The following MGAT4C variants were observed in gnomAD, a reference collection of about 807,000 sequenced individuals.
MGAT4C encodes the protein MGAT4 family member C, also known as alpha-1,3-mannosyl-glycoprotein 4-beta-N-acetylglucosaminyltransferase C.
In MGAT4C, 19 loss-of-function variants were observed where a neutral mutation model predicts 40.1. The observed-to-expected ratio is 0.47, with a 90% CI of 0.33 to 0.70. The LOEUF is 0.70. Among genes scored for constraint, MGAT4C ranks in the 30% least tolerant of loss-of-function variants. The pLI, the probability that MGAT4C is intolerant of heterozygous loss-of-function variation, is 0.02. For missense variants in MGAT4C, 491 were observed against 563.2 expected (o/e 0.87, Z 1.30); for synonymous variants, 181 against 187.1 (o/e 0.97, Z 0.27).
In MGAT4C at chr12:86,014,842, T is replaced by G. The variant is rs369280438; in HGVS notation, c.-6-25290A>C. ...AACAATTTATTATTATTATTATTTT[T>G]TATTTTGAGACGGGATCTCTTGCTG... On this transcript the variant is annotated intron_variant, in intron 2 of 4. Coordinates refer to ENST00000611864, the MANE Select transcript of MGAT4C (RefSeq NM_001351288.2). Among the ~76,000 whole-genome samples the G allele has an allele frequency of 5.9e-5, 9 of 151,986 alleles. 1 individual carries two copies. In the East Asian group the frequency reaches 7.7e-4, roughly 13 times the overall value.
At chr12:86,062,061 C>A (rs1314504119) in intron 1 of MGAT4C, among the ~76,000 whole-genome samples, 1 of 152,126 alleles carries the variant, frequency 6.6e-6, no homozygotes, top group Non-Finnish European at 1.5e-5. Flanking sequence ...GCTCCCTGAC[C>A]CCCACGTATC....
chr12:86,056,312 G>A (rs1420207934), intron 1 of MGAT4C, among the ~76,000 whole-genome samples: 4 of 152,118 alleles, frequency 2.6e-5, no homozygotes, highest in Non-Finnish European at 5.9e-5. Flanking sequence ...GTATACATGT[G>A]CCATGTTGGT....
intron 2 of MGAT4C, among the ~76,000 whole-genome samples, chr12:86,507,607 G>C (rs1958493049): frequency 6.6e-6 from 1 of 152,130 alleles, no homozygotes; most frequent in South Asian, 2.1e-4. Context: ...CCCTCATGTG[G>C]AGCCAAGCCC....
chr12:86,794,287 T>C (rs147524546), intron 1 of MGAT4C, among the ~76,000 whole-genome samples: 5 of 151,740 alleles, frequency 3.3e-5, no homozygotes, highest in Admixed American at 3.3e-4. Flanking sequence ...TGTTTAATAA[T>C]CTTGCTCAAA....
intron 2 of MGAT4C, among the ~76,000 whole-genome samples, chr12:85,996,234 T>C (rs1257616655): frequency 6.6e-6 from 1 of 152,136 alleles, no homozygotes; most frequent in East Asian, 1.9e-4. Context: ...ATATGTCCCA[T>C]AGGCTCAAAA....
rs1489433519 is a variant in MGAT4C, at chr12:86,642,412, C to A, written c.-229+84797G>T. Among the ~76,000 whole-genome samples the A allele has an allele frequency of 4.0e-5, 6 of 151,724 alleles. No homozygotes were observed. The East Asian group carries it at 1.2e-3, about 29-fold the overall frequency. ...AAGTTATGAACAAGTTAGGAGAATTCATAATCCATCAATATTGAAATATTT... is the reference window on the plus strand; with the variant it reads ...AAGTTATGAACAAGTTAGGAGAATTAATAATCCATCAATATTGAAATATTT... On this transcript the variant is annotated intron_variant, in intron 2 of 7. Coordinates refer to the MGAT4C transcript ENST00000548651.
chr12:86,020,854 T>TATCCAGA (rs1318297601), intron 2 of MGAT4C, among the ~76,000 whole-genome samples: 1 of 152,128 alleles, frequency 6.6e-6, no homozygotes, highest in Non-Finnish European at 1.5e-5. Flanking sequence ...AAGGGGCTAA[T>TATCCAGA]ATCCAGAATC....
chr12:86,580,344 G>A (rs1960730803), intron 2 of MGAT4C, among the ~76,000 whole-genome samples: 1 of 151,256 alleles, frequency 6.6e-6, no homozygotes. Context: ...TCTCTAGATT[G>A]CTAGCTTGAC....
intron 3 of MGAT4C, among the ~76,000 whole-genome samples, chr12:86,411,941 GC>G (rs1565743128): frequency 6.6e-6 from 1 of 151,856 alleles, no homozygotes. Flanking sequence ...GCTAACAGGG[GC>G]CCCAAAATTT....
At chr12:86,477,144 C>A (rs1957848747) in intron 2 of MGAT4C, among the ~76,000 whole-genome samples, 1 of 150,688 alleles carries the variant, frequency 6.6e-6, no homozygotes, top group African/African-American at 2.4e-5. Flanking sequence ...ATTTTCAGAT[C>A]ATTTATTGGT....
intron 2 of MGAT4C, among the ~76,000 whole-genome samples, chr12:86,569,769 C>G (rs7134480): frequency 0.84 from 127,759 of 151,936 alleles, 54,227 homozygotes; most frequent in East Asian, 0.96. Flanking sequence ...TTATAATATC[C>G]AAAATAGAAA....
chr12:86,452,497 T>G (rs1173569011), intron 2 of MGAT4C, among the ~76,000 whole-genome samples: 1 of 151,940 alleles, frequency 6.6e-6, no homozygotes, highest in Non-Finnish European at 1.5e-5. Context: ...GCAGCTATTT[T>G]CTTCTTAATT....
rs547182261 is a variant in MGAT4C, at chr12:86,366,298, T to C, written c.-119-32171A>G. Among the ~76,000 whole-genome samples, 6 of 152,330 alleles carry C rather than the reference T, an allele frequency of 3.9e-5. No individual in the cohort carries two copies. The South Asian group carries it at 1.0e-3, about 26-fold the overall frequency. On this transcript the variant is annotated intron_variant, in intron 3 of 7. Transcript: ENST00000548651. Reference sequence around the variant, plus strand: ...AGTTCCAGGAGCAGAGTTTTTAAGGTTTCTATGTATAGAATCATATCATCA... The same window carrying C: ...AGTTCCAGGAGCAGAGTTTTTAAGGCTTCTATGTATAGAATCATATCATCA...
At chr12:86,642,552 G>A (rs1963422417) in intron 2 of MGAT4C, among the ~76,000 whole-genome samples, 1 of 151,772 alleles carries the variant, frequency 6.6e-6, no homozygotes, top group Non-Finnish European at 1.5e-5. Context: ...AAGACTGAGA[G>A]GAGTTTGCAA....
At chr12:86,225,916 A>G (rs1297913993) in intron 1 of MGAT4C, among the ~76,000 whole-genome samples, 1 of 152,000 alleles carries the variant, frequency 6.6e-6, no homozygotes, top group Admixed American at 6.6e-5. Flanking sequence ...CACTTGTATT[A>G]AACATAGTAG....
chr12:86,831,273 G>A (rs11104117), intron 1 of MGAT4C, among the ~76,000 whole-genome samples: 97,184 of 151,488 alleles, frequency 0.64, 32,370 homozygotes, highest in Admixed American at 0.73. Flanking sequence ...ATCATTTTCT[G>A]AAGCTCGAAT....
At chr12:86,550,527 G>T (rs1164785915) in intron 2 of MGAT4C, among the ~76,000 whole-genome samples, 1 of 152,202 alleles carries the variant, frequency 6.6e-6, no homozygotes, top group East Asian at 1.9e-4. Flanking sequence ...CACCTCTGGA[G>T]TGTGCCCTGC....
At chr12:86,603,322 T>C (rs1961856747) in intron 2 of MGAT4C, among the ~76,000 whole-genome samples, 1 of 138,018 alleles carries the variant, frequency 7.2e-6, no homozygotes, top group Non-Finnish European at 1.5e-5. Flanking sequence ...AGTATATATA[T>C]AAAATTATAT....
chr12:86,760,670 C>A lies in MGAT4C; in HGVS notation c.-261-33429G>T, dbSNP rs947994505. On this transcript the variant is annotated intron_variant, in intron 1 of 7. Coordinates refer to the MGAT4C transcript ENST00000548651. ...GTTCCACAATGTTCCAGCTCACTGC[C>A]TTAGTAGAATGTCCAGGGCATAGAA... Among the ~76,000 whole-genome samples, 42 of 152,028 alleles carry A rather than the reference C, an allele frequency of 2.8e-4. 1 individual carries two copies. The highest frequency in any genetic ancestry group is 9.9e-4 in the African/African-American group (41 of 41,392).
Sources: allele counts gnomAD v4.1 joint callset (sites outside exome capture counted in the v4.1 genomes callset), GRCh38; gene constraint gnomAD v4.1.1; transcripts MANE v1.5; gene names NCBI Gene and HGNC (gene_info 2026-07-23, HGNC 2026-07-21).